The following MINDY2 variants were observed in gnomAD, a reference collection of about 807,000 sequenced individuals.
MINDY2 encodes ubiquitin carboxyl-terminal hydrolase MINDY-2.
MINDY2 carries 52 observed loss-of-function variants against 68.2 expected under a neutral mutation model. The ratio of observed to expected loss-of-function variants is 0.76; its 90% CI spans 0.61 to 0.96. The LOEUF is 0.96. MINDY2 is among the 40% of genes least tolerant of loss of function. The pLI is 0.00. For missense variants in MINDY2, 881 were observed against 773.4 expected (o/e 1.14, Z -1.65); for synonymous variants, 372 against 303.0 (o/e 1.23, Z -2.36).
At chr15:58,792,789 T>C (rs1742032367) in intron 2 of MINDY2, among the ~76,000 whole-genome samples, 1 of 152,192 alleles carries the variant, frequency 6.6e-6, no homozygotes. Context: ...CCTGAAACTT[T>C]TAAGTGAAAG....
intron 6 of MINDY2, among the ~76,000 whole-genome samples, chr15:58,840,496 C>A (rs1202551940): frequency 1.3e-5 from 2 of 151,970 alleles, no homozygotes; most frequent in Non-Finnish European, 1.5e-5. Context: ...TATCTATTGG[C>A]AACAAATAGG....
chr15:58,851,894 C>A lies in MINDY2; in HGVS notation c.1666C>A (p.Arg556=), dbSNP rs752487811. ...AKKLQEEEDR[R]ASQYYQEQEQ... Reference sequence around the variant, plus strand: ...GAAACTCCAAGAGGAAGAGGACAGACGGGCTTCTCAATACTATCAGGAACA... The same window carrying A: ...GAAACTCCAAGAGGAAGAGGACAGAAGGGCTTCTCAATACTATCAGGAACA... Residue 556 remains arginine, a synonymous_variant, in exon 8 of 9, where the codon CGG becomes AGG. Coordinates refer to ENST00000559228, the MANE Select transcript of MINDY2 (RefSeq NM_001040450.3). The A allele has an allele frequency of 6.2e-7, 1 of 1,612,926 alleles. No individual in the cohort carries two copies. The highest frequency in any genetic ancestry group is 8.5e-7 in the Non-Finnish European group (1 of 1,179,690).
rs1319767058 is a variant in MINDY2 at position 58,858,296 on chromosome 15, C to G, written c.*3686C>G. ...CATTTCTGATATTGACTACTTATCCCATATTCTGTTTCAAATTCTTTATCA... is the reference window on the plus strand; with the variant it reads ...CATTTCTGATATTGACTACTTATCCGATATTCTGTTTCAAATTCTTTATCA... On this transcript the variant is annotated 3_prime_UTR_variant, in exon 9 of 9. Coordinates refer to ENST00000559228, the MANE Select transcript of MINDY2 (RefSeq NM_001040450.3). 1 of 152,076 alleles carries G rather than the reference C, an allele frequency of 6.6e-6. No homozygotes were observed. The highest frequency in any genetic ancestry group is 6.6e-5 in the Admixed American group (1 of 15,250). The allele number at this position is 152,076 out of a possible 1,614,324, so 9.4% of individuals were successfully genotyped here. A position where few individuals can be genotyped will look rare whatever the true frequency, so the allele number is the denominator to read the frequency against.
intron 3 of MINDY2, among the ~76,000 whole-genome samples, chr15:58,808,476 A>G (rs1320395155): frequency 6.6e-6 from 1 of 151,942 alleles, no homozygotes; most frequent in East Asian, 1.9e-4. Flanking sequence ...TAGCCTTTTC[A>G]TATTAGCTTG....
intron 8 of MINDY2, among the ~76,000 whole-genome samples, chr15:58,854,251 A>C (rs1457797560): frequency 4.6e-5 from 7 of 152,150 alleles, no homozygotes; most frequent in Admixed American, 3.3e-4. Flanking sequence ...CTCAAAAAAA[A>C]AAAAAGGAAA....
chr15:58,836,333 C>T (rs1229417199), intron 6 of MINDY2, among the ~76,000 whole-genome samples: 2 of 151,692 alleles, frequency 1.3e-5, no homozygotes, highest in East Asian at 1.9e-4. Context: ...TAATCTAGTC[C>T]ATATTCAAAT....
At chr15:58,798,703 G>A (rs191115370) in intron 2 of MINDY2, among the ~76,000 whole-genome samples, 25 of 151,970 alleles carry the variant, frequency 1.6e-4, no homozygotes, top group Admixed American at 9.2e-4. Context: ...TGATCCGCCC[G>A]CCTTGGCCTC....
intron 2 of MINDY2, among the ~76,000 whole-genome samples, chr15:58,793,233 T>C (rs1595716065): frequency 6.6e-6 from 1 of 152,046 alleles, no homozygotes; most frequent in African/African-American, 2.4e-5. Flanking sequence ...GGTGGTTCAC[T>C]GGAGCTCAGG....
At chr15:58,810,446 G>T (rs747597557) in intron 4 of MINDY2, 58 bp downstream of exon 4, 8 of 1,388,428 alleles carry the variant, frequency 5.8e-6, no homozygotes, top group South Asian at 3.0e-5. Context: ...TATTAATTTG[G>T]CAAATTAATC....
chr15:58,831,650 T>A, intron 5 of MINDY2, 124 bp from the exon 6 acceptor site: 1 of 759,126 alleles, frequency 1.3e-6, no homozygotes, highest in Non-Finnish European at 2.0e-6. Context: ...CATCATAAAG[T>A]AGTAGGGAAA....
At chr15:58,777,398 A>G (rs887291319) in intron 1 of MINDY2, among the ~76,000 whole-genome samples, 10 of 152,220 alleles carry the variant, frequency 6.6e-5, no homozygotes, top group African/African-American at 2.4e-4. Flanking sequence ...GAGAAGTGAC[A>G]GTAAAAATGA....
chr15:58,802,008 T>G (rs1467709265), intron 2 of MINDY2, among the ~76,000 whole-genome samples: 1 of 152,220 alleles, frequency 6.6e-6, no homozygotes, highest in African/African-American at 2.4e-5. Flanking sequence ...CAGAAATAGT[T>G]ATATTGTTGA....
intron 8 of MINDY2, 51 bp from the exon 9 acceptor site, chr15:58,854,431 A>T (rs756538849): frequency 6.4e-7 from 1 of 1,572,202 alleles, no homozygotes; most frequent in Admixed American, 2.0e-5. Flanking sequence ...AACCATGAGT[A>T]AGTCCCTCAG....
chr15:58,831,121 A>G (rs1293998424), intron 5 of MINDY2, among the ~76,000 whole-genome samples: 2 of 151,360 alleles, frequency 1.3e-5, no homozygotes, highest in East Asian at 1.9e-4. Context: ...AACAAAAGCC[A>G]TAATATCTAT....
At position 58,852,972 on chromosome 15, in the gene MINDY2, A is replaced by ATTT. The variant is rs1567079858; in HGVS notation, c.1737+1007_1737+1008insTTT. On this transcript the variant is annotated intron_variant, in intron 8 of 8. Coordinates refer to ENST00000559228, the MANE Select transcript of MINDY2 (RefSeq NM_001040450.3). ...TTTTTTTTTTTTTTTTTTTTTTTTA[A>ATTT]GACAGAGTCTCACTCTGTTGCCCAG... 2.3e-4 allele frequency among the ~76,000 whole-genome samples: 4 copies of ATTT among 17,240 alleles called. 1 individual carries two copies. Among genetic ancestry groups the ATTT allele is most frequent in the Non-Finnish European group, 3.3e-4 (2 of 6,082 alleles). 11.3% of individuals were successfully genotyped at this position (17,240 alleles called of 152,430 possible).
At chr15:58,825,139 A>G (rs1567063328) in intron 5 of MINDY2, among the ~76,000 whole-genome samples, 1 of 152,230 alleles carries the variant, frequency 6.6e-6, no homozygotes, top group African/African-American at 2.4e-5. Flanking sequence ...TAACTTTTTA[A>G]AAATTCAAAC....
chr15:58,849,888 C>G (rs2032727973), intron 7 of MINDY2, among the ~76,000 whole-genome samples: 1 of 152,098 alleles, frequency 6.6e-6, no homozygotes, highest in Admixed American at 6.6e-5. Context: ...AGGCATGTGC[C>G]ACCACACCCG....
At chr15:58,776,884 AAG>A (rs1178549049) in intron 1 of MINDY2, among the ~76,000 whole-genome samples, 2 of 152,052 alleles carry the variant, frequency 1.3e-5, no homozygotes, top group African/African-American at 2.4e-5. Context: ...ATAAGGAAAA[AAG>A]AGAGGTAGAT....
chr15:58,815,843 C>G (rs2030650587), intron 4 of MINDY2: 1 of 152,014 alleles, frequency 6.6e-6, no homozygotes, highest in African/African-American at 2.4e-5. Flanking sequence ...GCATGCCCAG[C>G]TAATCTTTGT....
Sources: gnomAD v4.1 joint callset for allele counts (sites outside exome capture counted in the v4.1 genomes callset) on GRCh38, gnomAD v4.1.1 for gene constraint, MANE v1.5 for transcripts, NCBI Gene and HGNC (gene_info 2026-07-23, HGNC 2026-07-21) for gene names.